The following PCDH9 variants were observed in gnomAD, a reference collection of about 807,000 sequenced individuals.
The protein encoded by PCDH9 is protocadherin-9.
In PCDH9, 24 loss-of-function variants were observed where a neutral mutation model predicts 70.6. The observed-to-expected ratio is 0.34, with a 90% confidence interval of 0.25 to 0.48. PCDH9 has a LOEUF of 0.48. Ranked by LOEUF, PCDH9 falls within the 20% of genes least tolerant of loss-of-function variation. The pLI is 0.99. For synonymous variants in PCDH9, 562 were observed against 558.5 expected (o/e 1.01, Z -0.09); for missense variants, 1,281 against 1,503.6 (o/e 0.85, Z 2.45).
At chr13:66,755,384 A>C (rs1392054734) in intron 3 of PCDH9, among the ~76,000 whole-genome samples, 1 of 152,180 alleles carries the variant, frequency 6.6e-6, no homozygotes. Flanking sequence ...AGAGCGACTG[A>C]CATATCATAG....
At chr13:66,471,340 C>T (rs1297035884) in intron 4 of PCDH9, among the ~76,000 whole-genome samples, 1 of 151,990 alleles carries the variant, frequency 6.6e-6, no homozygotes, top group African/African-American at 2.4e-5. Context: ...GTAAGTTTTG[C>T]TAAAAACAGT....
intron 2 of PCDH9, among the ~76,000 whole-genome samples, chr13:67,095,735 A>G (rs1385367032): frequency 6.6e-6 from 1 of 152,160 alleles, no homozygotes; most frequent in African/African-American, 2.4e-5. Flanking sequence ...GTCTGTCACC[A>G]AGGAAATGAC....
chr13:66,761,879 A>G (rs2079634150), intron 3 of PCDH9, among the ~76,000 whole-genome samples: 1 of 152,090 alleles, frequency 6.6e-6, no homozygotes, highest in South Asian at 2.1e-4. Flanking sequence ...TCATCTCTTT[A>G]GGATCAGTTA....
At chr13:66,702,899 C>T (rs984102529) in intron 3 of PCDH9, among the ~76,000 whole-genome samples, 1 of 151,942 alleles carries the variant, frequency 6.6e-6, no homozygotes, top group Admixed American at 6.6e-5. Context: ...AATTTCACCA[C>T]GATTATAATG....
intron 4 of PCDH9, among the ~76,000 whole-genome samples, chr13:66,480,789 A>T (rs1165543249): frequency 6.6e-6 from 1 of 152,194 alleles, no homozygotes; most frequent in Non-Finnish European, 1.5e-5. Flanking sequence ...ATACCATTTG[A>T]CCCAGCAATC....
intron 4 of PCDH9, among the ~76,000 whole-genome samples, chr13:66,389,905 G>A (rs1434931236): frequency 6.6e-6 from 1 of 152,144 alleles, no homozygotes; most frequent in East Asian, 1.9e-4. Flanking sequence ...CTCCTAGAAT[G>A]TTATCTCTTT....
chr13:67,038,221 C>T (rs1011777018), intron 2 of PCDH9, among the ~76,000 whole-genome samples: 3 of 152,158 alleles, frequency 2.0e-5, no homozygotes, highest in Non-Finnish European at 4.4e-5. Flanking sequence ...TTGCACAAAA[C>T]TCCACTTGGA....
chr13:67,072,218 A>G (rs1258541331), intron 2 of PCDH9, among the ~76,000 whole-genome samples: 1 of 152,136 alleles, frequency 6.6e-6, no homozygotes, highest in Admixed American at 6.6e-5. Flanking sequence ...CTCTCTGACC[A>G]TCTATCACCA....
chr13:66,852,853 T>C (rs2081336518), intron 3 of PCDH9, among the ~76,000 whole-genome samples: 1 of 152,152 alleles, frequency 6.6e-6, no homozygotes, highest in African/African-American at 2.4e-5. Context: ...ATAGCAAATC[T>C]ACTTGATTAG....
At chr13:67,124,662 T>A (rs901731396) in intron 2 of PCDH9, among the ~76,000 whole-genome samples, 1 of 152,208 alleles carries the variant, frequency 6.6e-6, no homozygotes, top group African/African-American at 2.4e-5. Context: ...CCTATTAGCA[T>A]ATCATCCTAC....
chr13:66,521,835 A>G (rs560935836), intron 4 of PCDH9, among the ~76,000 whole-genome samples: 2 of 152,062 alleles, frequency 1.3e-5, no homozygotes, highest in Non-Finnish European at 2.9e-5. Context: ...TAGTATATCT[A>G]TGAAAGAACT....
chr13:66,658,745 T>A (rs1196176246), intron 3 of PCDH9, among the ~76,000 whole-genome samples: 2 of 152,182 alleles, frequency 1.3e-5, no homozygotes, highest in Non-Finnish European at 1.5e-5. Context: ...TATAAAATGA[T>A]GATACTTTGT....
At position 66,302,845 on chromosome 13, in the gene PCDH9, G is replaced by C. The variant is rs1165632988; in HGVS notation, c.*1810C>G. ...TTAACACACTGCAATCAGGAATTCA[G>C]AACATTTATTGCAAGAGCTGAATAA... On this transcript the variant is annotated 3_prime_UTR_variant, in exon 5 of 5. Transcript: ENST00000377865. 1.3e-5 allele frequency: 2 copies of C among 152,504 alleles called. No individual in the cohort carries two copies. Among genetic ancestry groups the C allele is most frequent in the Non-Finnish European group, 2.9e-5 (2 of 67,996 alleles). 9.4% of individuals were successfully genotyped at this position (152,504 alleles called of 1,614,324 possible).
intron 3 of PCDH9, among the ~76,000 whole-genome samples, chr13:66,843,287 A>G (rs1047436388): frequency 9.2e-5 from 14 of 152,166 alleles, no homozygotes; most frequent in African/African-American, 3.1e-4. Flanking sequence ...ATCTGCCTTT[A>G]CTAGTTAAAA....
At chr13:66,559,445 A>G (rs1194425819) in intron 4 of PCDH9, among the ~76,000 whole-genome samples, 1 of 152,142 alleles carries the variant, frequency 6.6e-6, no homozygotes, top group Non-Finnish European at 1.5e-5. Flanking sequence ...TCTCTGCTTT[A>G]ACATTATGAA....
At chr13:67,111,782 C>CA (rs922834685) in intron 2 of PCDH9, among the ~76,000 whole-genome samples, 6 of 152,066 alleles carry the variant, frequency 3.9e-5, no homozygotes, top group African/African-American at 1.4e-4. Context: ...TTAATAGCTA[C>CA]AAAAAAGTGA....
intron 2 of PCDH9, among the ~76,000 whole-genome samples, chr13:67,188,751 G>T (rs943127515): frequency 1.3e-5 from 2 of 152,024 alleles, no homozygotes; most frequent in Admixed American, 1.3e-4. Flanking sequence ...TAAACTGAAA[G>T]TTCCTTTTTA....
intron 4 of PCDH9, among the ~76,000 whole-genome samples, chr13:66,327,975 CAT>C: frequency 6.6e-6 from 1 of 152,224 alleles, no homozygotes. Context: ...TATAATCTGA[CAT>C]CTAATTAATA....
chr13:66,502,519 T>A (rs1199012462), intron 4 of PCDH9, among the ~76,000 whole-genome samples: 3 of 152,114 alleles, frequency 2.0e-5, no homozygotes, highest in Non-Finnish European at 4.4e-5. Context: ...TATAAAAAAA[T>A]TTGTCATTTT....
Sources: allele counts gnomAD v4.1 joint callset (sites outside exome capture counted in the v4.1 genomes callset), GRCh38; gene constraint gnomAD v4.1.1; transcripts MANE v1.5; gene names NCBI Gene and HGNC (gene_info 2026-07-23, HGNC 2026-07-21).